Variants in PRRC2C observed in about 807,000 individuals in gnomAD.
The protein encoded by PRRC2C is proline rich coiled-coil 2C.
In PRRC2C, 72 loss-of-function variants were observed where a neutral mutation model predicts 317.2. The observed-to-expected ratio is 0.23, with a 90% CI of 0.19 to 0.28. The LOEUF is 0.28. PRRC2C is among the 10% of genes least tolerant of loss of function. The pLI, the probability that PRRC2C is intolerant of heterozygous loss-of-function variation, is 1.00. For missense variants in PRRC2C, 3,074 were observed against 3,459.7 expected (o/e 0.89, Z 2.80); for synonymous variants, 1,296 against 1,205.9 (o/e 1.07, Z -1.55).
chr1:171,541,904 A>G lies in PRRC2C; in HGVS notation c.4438A>G (p.Asn1480Asp), dbSNP rs1174638531. The G allele has an allele frequency of 6.2e-7, 1 of 1,613,842 alleles. No individual in the cohort carries two copies. Among genetic ancestry groups the G allele is most frequent in the South Asian group, 1.1e-5 (1 of 91,074 alleles). The change falls in exon 16 of 35, where the codon AAT (asparagine) becomes GAT (aspartate). Residue 1480 changes from asparagine to aspartate, a missense_variant. By Grantham distance (23) the Asn-to-Asp change is conservative (BLOSUM62 1). Around this residue, in one of 11 missense-constraint regions of PRRC2C, gnomAD observed 1,320 missense variants for 1,395.7 expected, o/e 0.95. Transcript: ENST00000647382. The surrounding 1 kb of genome is among the most constrained non-coding windows in gnomAD (Gnocchi z 4.1). ...PVNTLGDISG[N>D]KTPDLSNQNS... ...TAATACTCTTGGGGATATTTCCGGG[A>G]ATAAGACACCAGATTTATCTAATCA... is the stretch of plus-strand genomic sequence containing the variant.
intron 18 of PRRC2C, among the ~76,000 whole-genome samples, chr1:171,550,889 C>A (rs1680104441): frequency 6.6e-6 from 1 of 152,142 alleles, no homozygotes; most frequent in Admixed American, 6.5e-5. Context: ...TGGATTGGTT[C>A]CAAGTCTTTG....
rs1647300263 is a variant in PRRC2C at position 171,577,572 on chromosome 1, G to C, written c.7094G>C (p.Cys2365Ser). Residue 2365 changes from cysteine (C) to serine (S), a missense_variant, in exon 26 of 35, where the codon TGT becomes TCT. Around this residue, in one of 11 missense-constraint regions of PRRC2C, gnomAD observed 490 missense variants for 663.1 expected, o/e 0.74. Coordinates refer to ENST00000647382, the MANE Select transcript of PRRC2C (RefSeq NM_001387844.1). Reference sequence around the variant, plus strand: ...GCAAGTCATTTTTCACAGTTAAGCTGTATGCCTTCCCTTATTGCCCAGCAG... The same window carrying C: ...GCAAGTCATTTTTCACAGTTAAGCTCTATGCCTTCCCTTATTGCCCAGCAG... ...PSASHFSQLS[C>S]MPSLIAQQQQ... 1 of 1,613,774 alleles carries C rather than the reference G, an allele frequency of 6.2e-7. No individual in the cohort carries two copies.
intron 20 of PRRC2C, among the ~76,000 whole-genome samples, chr1:171,564,029 G>A (rs1193344119): frequency 6.6e-6 from 1 of 152,020 alleles, no homozygotes; most frequent in East Asian, 1.9e-4. Flanking sequence ...CATTGTCTTT[G>A]TGTTCTTTAT....
chr1:171,532,082 T>C (rs1185323530), intron 11 of PRRC2C, among the ~76,000 whole-genome samples: 1 of 152,220 alleles, frequency 6.6e-6, no homozygotes, highest in Non-Finnish European at 1.5e-5. Flanking sequence ...ATTCAGCAAA[T>C]ACTGAATGAG....
chr1:171,514,268 G>A (rs866787974), intron 3 of PRRC2C, among the ~76,000 whole-genome samples: 38 of 129,112 alleles, frequency 2.9e-4, no homozygotes, highest in African/African-American at 1.9e-3. Flanking sequence ...GTGTATGTGT[G>A]TGTGTGTGTG....
Position 171,580,052 on chromosome 1 carries a change from CA to C in PRRC2C, c.7409+95del, listed in dbSNP as rs1053364952. On this transcript the variant is annotated intron_variant, in intron 28 of 34. Transcript: ENST00000647382. Reference sequence around the variant, plus strand: ...TGCCGTAATCCATACTGTTCCTTCCCAAAAAAACCTAGGATGACTCTGCTAT... The same window carrying C: ...TGCCGTAATCCATACTGTTCCTTCCCAAAAAACCTAGGATGACTCTGCTAT... 23 of 1,212,360 alleles carry C rather than the reference CA, an allele frequency of 1.9e-5. No individual in the cohort carries two copies. In the African/African-American group the frequency reaches 3.3e-4, roughly 17 times the overall value. The allele number at this position is 1,212,360 out of a possible 1,614,324, so 75.1% of individuals were successfully genotyped here.
At chr1:171,586,063 ATTTTTTTTT>A (rs920423722) in intron 30 of PRRC2C, among the ~76,000 whole-genome samples, 2 of 83,032 alleles carry the variant, frequency 2.4e-5, no homozygotes, top group Non-Finnish European at 4.3e-5. Flanking sequence ...TCAGGTGTTG[ATTTTTTTTT>A]TTTTTTTTTT....
At chr1:171,576,024 G>A (rs1404508150) in intron 25 of PRRC2C, among the ~76,000 whole-genome samples, 1 of 151,862 alleles carries the variant, frequency 6.6e-6, no homozygotes, top group Non-Finnish European at 1.5e-5. Flanking sequence ...GTAATCAGAA[G>A]TATATATTAA....
At chr1:171,574,241 A>G (rs1287934399) in intron 24 of PRRC2C, among the ~76,000 whole-genome samples, 1 of 152,144 alleles carries the variant, frequency 6.6e-6, no homozygotes, top group Non-Finnish European at 1.5e-5. Flanking sequence ...AATGTTTTCA[A>G]AATAAATATA....
Position 171,542,137 on chromosome 1 carries a change from T to A in PRRC2C, c.4671T>A (p.Arg1557=), listed in dbSNP as rs773700020. The A allele has an allele frequency of 6.8e-6, 11 of 1,612,414 alleles. No homozygotes were observed. The highest frequency in any genetic ancestry group is 9.3e-6 in the Non-Finnish European group (11 of 1,179,258). The part of the protein sequence containing the change: ...SQRPVDRQNR[R]GNNGPPKSGR... ...GACCAGTAGATCGTCAGAATCGACG[T>A]GGCAACAATGGTCCACCCAAATCAG... The change falls in exon 16 of 35, where the codon CGT becomes CGA. Residue 1557 remains arginine (R), a synonymous_variant. Coordinates refer to ENST00000647382, the MANE Select transcript of PRRC2C (RefSeq NM_001387844.1).
chr1:171,554,857 G>A (rs953476762), intron 18 of PRRC2C, among the ~76,000 whole-genome samples: 2 of 152,184 alleles, frequency 1.3e-5, no homozygotes, highest in African/African-American at 4.8e-5. Context: ...GCTTCCCTTT[G>A]AGGGTAACCT....
intron 28 of PRRC2C, among the ~76,000 whole-genome samples, chr1:171,582,819 G>A (rs1198906200): frequency 6.7e-6 from 1 of 150,316 alleles, no homozygotes; most frequent in Non-Finnish European, 1.5e-5. Flanking sequence ...GTACACTACT[G>A]TGGACTCTAT....
chr1:171,550,020 T>A, intron 17 of PRRC2C, 66 bp from the exon 18 acceptor site: 3 of 1,293,820 alleles, frequency 2.3e-6, no homozygotes, highest in Non-Finnish European at 3.1e-6. Context: ...ACTACTGTAC[T>A]AAACATTTTT....
At chr1:171,568,485 T>C in intron 23 of PRRC2C, 146 bp downstream of exon 23, 1 of 1,303,932 alleles carries the variant, frequency 7.7e-7, no homozygotes, top group Non-Finnish European at 1.0e-6. Context: ...AGGAGTACTG[T>C]AATATAATTA....
rs2102296592 is a variant in PRRC2C at position 171,517,741 on chromosome 1, G to A, written c.677G>A (p.Gly226Asp). 5.0e-6 allele frequency: 8 copies of A among 1,613,766 alleles called. No individual in the cohort carries two copies. The highest frequency in any genetic ancestry group is 2.2e-5 in the East Asian group (1 of 44,878). ...GTGGTGGAAAAGAGGATAGCTTGTG[G>A]TCCTCCACAGGCTAAACTGAATGGA... ...LKVVEKRIAC[G>D]PPQAKLNGQQ... is the part of the protein sequence containing the mutation. The change falls in exon 6 of 35, where the codon GGT (glycine) becomes GAT (aspartate). Residue 226 changes from glycine (G) to aspartate (D), a missense_variant. By Grantham distance (94) the Gly-to-Asp change is moderately conservative. Coordinates refer to ENST00000647382, the MANE Select transcript of PRRC2C (RefSeq NM_001387844.1).
chr1:171,493,123 T>TGGA (rs2102048840), intron 1 of PRRC2C, among the ~76,000 whole-genome samples: 1 of 152,248 alleles, frequency 6.6e-6, no homozygotes, highest in African/African-American at 2.4e-5. Context: ...GTCTTAAGAC[T>TGGA]GGATATTTCA....
intron 30 of PRRC2C, 129 bp downstream of exon 30, chr1:171,584,655 T>C: frequency 9.1e-7 from 1 of 1,100,176 alleles, no homozygotes; most frequent in East Asian, 2.8e-5. Flanking sequence ...TTCACTGAGA[T>C]GTCCTGAAGA....
intron 25 of PRRC2C, among the ~76,000 whole-genome samples, chr1:171,576,472 C>T (rs1372221562): frequency 3.9e-5 from 6 of 152,166 alleles, no homozygotes; most frequent in Non-Finnish European, 7.3e-5. Context: ...ACAACTTATA[C>T]ATTACTTTTT....
At chr1:171,499,396 T>G (rs570578014) in intron 1 of PRRC2C, among the ~76,000 whole-genome samples, 4 of 152,292 alleles carry the variant, frequency 2.6e-5, no homozygotes, top group African/African-American at 9.6e-5. Flanking sequence ...TATCTAAAGA[T>G]TGTAGCTTGA....
Sources: gnomAD v4.1 joint callset for allele counts (sites outside exome capture counted in the v4.1 genomes callset) on GRCh38, gnomAD v4.1.1 for gene constraint, gnomAD v4.1.1 regional missense constraint, Gnocchi (gnomAD v3.1) non-coding constraint, MANE v1.5 for transcripts, NCBI Gene and HGNC (gene_info 2026-07-23, HGNC 2026-07-21) for gene names.